The following ST6GAL1 variants were observed in gnomAD, a reference collection of about 807,000 sequenced individuals.
The protein encoded by ST6GAL1 is ST6 beta-galactoside alpha-2,6-sialyltransferase 1, also known as beta-galactoside alpha-2,6-sialyltransferase 1.
Under a neutral mutation model 38.0 loss-of-function variants are expected in ST6GAL1, and 20 were observed. The observed-to-expected ratio is 0.53, with a 90% CI of 0.37 to 0.77. ST6GAL1 has a LOEUF of 0.77. ST6GAL1 is among the 30% of genes least tolerant of loss of function. ST6GAL1 has a pLI of 0.00. For missense variants in ST6GAL1, 432 were observed against 496.4 expected (o/e 0.87, Z 1.23); for synonymous variants, 196 against 188.2 (o/e 1.04, Z -0.34).
At chr3:186,958,098 T>C (rs1445842411) in intron 1 of ST6GAL1, among the ~76,000 whole-genome samples, 1 of 151,202 alleles carries the variant, frequency 6.6e-6, no homozygotes, top group Non-Finnish European at 1.5e-5. Flanking sequence ...TAGTGTACTG[T>C]GATGAGTTTT....
chr3:186,958,561 A>T (rs577479985), intron 1 of ST6GAL1, among the ~76,000 whole-genome samples: 174 of 151,908 alleles, frequency 1.1e-3, no homozygotes, highest in African/African-American at 4.0e-3. Flanking sequence ...AGAATTAGGG[A>T]TATGGAGGGG....
chr3:187,065,692 A>T (rs936672476), intron 5 of ST6GAL1, among the ~76,000 whole-genome samples: 3 of 152,218 alleles, frequency 2.0e-5, no homozygotes, highest in African/African-American at 7.2e-5. Flanking sequence ...TGGAGAGAGA[A>T]GACCTACTTC....
At chr3:187,005,078 T>G (rs1716737938) in intron 2 of ST6GAL1, among the ~76,000 whole-genome samples, 1 of 151,990 alleles carries the variant, frequency 6.6e-6, no homozygotes, top group Non-Finnish European at 1.5e-5. Flanking sequence ...TTTAGGTCTT[T>G]CTTTTTTAAG....
chr3:186,975,027 C>G (rs1429897001), intron 2 of ST6GAL1: 4 of 152,406 alleles, frequency 2.6e-5, no homozygotes, highest in Non-Finnish European at 5.9e-5. Flanking sequence ...TTTGGCAGGC[C>G]TGGATGCAGG....
In ST6GAL1 at chr3:187,076,042, C is replaced by A; in HGVS notation, c.*239C>A. On this transcript the variant is annotated 3_prime_UTR_variant, in exon 8 of 8. Transcript: ENST00000169298. The stretch of plus-strand genomic sequence containing the variant: ...GCCACACACATGCACACATATCTAG[C>A]ATTCTTTCCAGACAGCATCCTCCCC... The A allele has an allele frequency of 1.9e-6, 1 of 529,734 alleles. No homozygotes were observed. The highest frequency in any genetic ancestry group is 3.3e-6 in the Non-Finnish European group (1 of 302,560). The allele number at this position is 529,734 out of a possible 1,614,324, so 32.8% of individuals were successfully genotyped here.
rs1714601974 is a variant in ST6GAL1 at position 186,952,205 on chromosome 3, C to G, written c.-324-11580C>G. On this transcript the variant is annotated intron_variant, in intron 1 of 7. Transcript: ENST00000169298. The surrounding 1 kb of genome is among the most constrained non-coding windows in gnomAD (Gnocchi z 4.1). ...TGGAGAGAGTTGTCTGCATTTGCACCCTGCACTCCCTCTTCTCTCATTCTC... is the reference window on the plus strand; with the variant it reads ...TGGAGAGAGTTGTCTGCATTTGCACGCTGCACTCCCTCTTCTCTCATTCTC... Among the ~76,000 whole-genome samples, 1 of 151,996 alleles carries G rather than the reference C, an allele frequency of 6.6e-6. No individual in the cohort carries two copies. Among genetic ancestry groups the G allele is most frequent in the Non-Finnish European group, 1.5e-5 (1 of 67,998 alleles).
chr3:186,958,675 G>A (rs1276939844), intron 1 of ST6GAL1, among the ~76,000 whole-genome samples: 1 of 152,134 alleles, frequency 6.6e-6, no homozygotes, highest in African/African-American at 2.4e-5. Context: ...CAATGTGCCG[G>A]GTGCTGTGGC....
chr3:187,068,297 G>A (rs901798798), intron 5 of ST6GAL1, among the ~76,000 whole-genome samples: 35 of 148,700 alleles, frequency 2.4e-4, no homozygotes, highest in African/African-American at 8.2e-4. Context: ...AGCCAAGATC[G>A]TGCCACTGCA....
intron 5 of ST6GAL1, among the ~76,000 whole-genome samples, chr3:187,055,882 A>T (rs1156281000): frequency 6.6e-6 from 1 of 151,794 alleles, no homozygotes; most frequent in Non-Finnish European, 1.5e-5. Flanking sequence ...TGTCTCGTTG[A>T]TCCGTCTAAT....
chr3:187,051,421 G>A, intron 5 of ST6GAL1, 75 bp downstream of exon 5: 1 of 1,386,534 alleles, frequency 7.2e-7, no homozygotes, highest in Admixed American at 1.8e-5. Context: ...TGTATCTACT[G>A]GGAGCATATC....
chr3:186,986,195 A>G (rs1715912709), intron 2 of ST6GAL1: 1 of 152,106 alleles, frequency 6.6e-6, no homozygotes, highest in Admixed American at 6.5e-5. Context: ...TTTTAGCTCC[A>G]CAAAATATCA....
At chr3:186,989,113 C>A (rs1296866889) in intron 2 of ST6GAL1, among the ~76,000 whole-genome samples, 1 of 152,112 alleles carries the variant, frequency 6.6e-6, no homozygotes, top group Non-Finnish European at 1.5e-5. Context: ...AGCTTATTGT[C>A]ATTCTTTTAA....
intron 4 of ST6GAL1, 63 bp from the exon 5 acceptor site, chr3:187,051,186 T>G (rs1339439387): frequency 1.1e-5 from 16 of 1,429,782 alleles, no homozygotes; most frequent in Non-Finnish European, 1.5e-5. Context: ...GCCTCTCGTC[T>G]TTCTCTTTTT....
At position 186,937,633 on chromosome 3, in the gene ST6GAL1, AAC is replaced by A. The variant is rs201646014; in HGVS notation, c.-325+6801_-325+6802del. ...ATAGTTCAAAGGAGGAGGCAGGGGT[AAC>A]AAGAGATTAGTGCAGGATGCCGTGC... On this transcript the variant is annotated intron_variant, in intron 1 of 7. Coordinates refer to ENST00000169298, the MANE Select transcript of ST6GAL1 (RefSeq NM_173216.2). Among the ~76,000 whole-genome samples the A allele has an allele frequency of 4.1e-4, 60 of 145,522 alleles. 2 individuals are homozygous for A. In the East Asian group the frequency reaches 0.012, roughly 29 times the overall value.
At chr3:186,987,687 T>C (rs888044525) in intron 2 of ST6GAL1, among the ~76,000 whole-genome samples, 1 of 152,116 alleles carries the variant, frequency 6.6e-6, no homozygotes, top group African/African-American at 2.4e-5. Flanking sequence ...GGGAGAGAAA[T>C]AAAATTTAAA....
intron 2 of ST6GAL1, among the ~76,000 whole-genome samples, chr3:186,965,122 T>C (rs1380447631): frequency 2.0e-5 from 3 of 152,284 alleles, no homozygotes; most frequent in Admixed American, 2.0e-4. Context: ...TGGGGAGCCT[T>C]CGGATTACTG....
rs553968020 is a variant in ST6GAL1, at chr3:187,062,988, A to G, written c.706-9861A>G. Among the ~76,000 whole-genome samples, 113 of 152,308 alleles carry G rather than the reference A, an allele frequency of 7.4e-4. 1 individual carries two copies. The highest frequency in any genetic ancestry group is 2.7e-3 in the African/African-American group (112 of 41,580). On this transcript the variant is annotated intron_variant, in intron 5 of 7. Transcript: ENST00000169298. ...AATGTGGAATTGTTGTTTAATGAAT[A>G]CTGTGATTCATTTTGGGAAGCTGAA...
At chr3:186,936,671 C>A (rs13064443) in intron 1 of ST6GAL1, among the ~76,000 whole-genome samples, 2 of 151,956 alleles carry the variant, frequency 1.3e-5, no homozygotes, top group Admixed American at 1.3e-4. Flanking sequence ...CTGGGCACAG[C>A]GGCTCATGCC....
intron 2 of ST6GAL1, among the ~76,000 whole-genome samples, chr3:186,985,955 TGGG>T (rs1231413416): frequency 2.0e-5 from 3 of 151,998 alleles, no homozygotes; most frequent in Non-Finnish European, 4.4e-5. Flanking sequence ...AAGGCATTAG[TGGG>T]AGGGAGTTTG....
Sources: gnomAD v4.1 joint callset for allele counts (sites outside exome capture counted in the v4.1 genomes callset) on GRCh38, gnomAD v4.1.1 for gene constraint, Gnocchi (gnomAD v3.1) non-coding constraint, MANE v1.5 for transcripts, NCBI Gene and HGNC (gene_info 2026-07-23, HGNC 2026-07-21) for gene names.